The following CWC27 variants were observed in gnomAD, a reference collection of about 807,000 sequenced individuals.
CWC27 encodes the protein spliceosome-associated protein CWC27 homolog.
CWC27 carries 47 observed loss-of-function variants against 63.6 expected under a neutral mutation model. The observed-to-expected ratio is 0.74, with a 90% confidence interval of 0.58 to 0.94. CWC27 has a LOEUF of 0.94. Ranked by LOEUF, CWC27 falls within the 40% of genes least tolerant of loss-of-function variation. The pLI is 0.00. For synonymous variants in CWC27, 175 were observed against 179.8 expected, an observed-to-expected ratio of 0.97 and a Z score of 0.22; for missense variants, 495 against 554.3, an observed-to-expected ratio of 0.89 and a Z score of 1.07.
rs373054518 is a variant in CWC27 at position 64,971,694 on chromosome 5, A to G, written c.1043-9A>G. On this transcript the variant is annotated splice_polypyrimidine_tract_variant and intron_variant, in intron 11 of 13. Transcript: ENST00000381070. ...CTGCTTATTCTAAAAATATTCTACT[A>G]TTCTTTAGAGGAAGAAGCCCCTCCA... 5.8e-5 allele frequency: 92 copies of G among 1,574,706 alleles called. No individual in the cohort carries two copies. In the African/African-American group the frequency reaches 1.2e-3, roughly 21 times the overall value.
chr5:64,844,828 C>G, intron 10 of CWC27: 1 of 448,858 alleles, frequency 2.2e-6, no homozygotes, highest in South Asian at 1.6e-5. Flanking sequence ...CTCAACTCTG[C>G]CACAAAGCAA....
At chr5:64,839,320 G>A (rs1745742832) in intron 10 of CWC27, among the ~76,000 whole-genome samples, 1 of 152,182 alleles carries the variant, frequency 6.6e-6, no homozygotes, top group Non-Finnish European at 1.5e-5. Context: ...GAATGAAGAA[G>A]ATGAGAGTTT....
chr5:64,921,772 T>C (rs1748003261), intron 11 of CWC27, among the ~76,000 whole-genome samples: 1 of 152,180 alleles, frequency 6.6e-6, no homozygotes, highest in Middle Eastern at 3.2e-3. Flanking sequence ...CATGCCTAAG[T>C]GTGTTTTTGT....
intron 11 of CWC27, among the ~76,000 whole-genome samples, chr5:64,891,938 G>A (rs1747249455): frequency 6.6e-6 from 1 of 152,090 alleles, no homozygotes; most frequent in Non-Finnish European, 1.5e-5. Context: ...GGAATTACAG[G>A]CACGCACCGC....
In CWC27 at chr5:64,977,200, T is replaced by C; in HGVS notation, c.1218T>C (p.Asn406=). Residue 406 remains asparagine, a synonymous_variant, in exon 13 of 14, where the codon AAT becomes AAC. Coordinates refer to ENST00000381070, the MANE Select transcript of CWC27 (RefSeq NM_005869.4). ...AAGCAATTGCTGAAACGCCTGAAAA[T>C]GACATTCCTGAAACAGAAGTAGAAG... The part of the protein sequence containing the change: ...LTQAIAETPE[N]DIPETEVEDD... 1.9e-6 allele frequency: 3 copies of C among 1,612,164 alleles called. No individual in the cohort carries two copies. Among genetic ancestry groups the C allele is most frequent in the East Asian group, 2.2e-5 (1 of 44,786 alleles).
chr5:64,929,988 C>CA (rs1470315698), intron 11 of CWC27, among the ~76,000 whole-genome samples: 3 of 145,394 alleles, frequency 2.1e-5, no homozygotes, highest in African/African-American at 4.9e-5. Flanking sequence ...ACAGCCTAAA[C>CA]AAACTGTGAT....
rs191437060 is a variant in CWC27, at chr5:64,774,061, A to G, written c.43-630A>G. ...TATAATGTCACAATTTAATGGGTTC[A>G]TTATTCTTTAATTTCTTAATTTGCT... is the stretch of plus-strand genomic sequence containing the variant. On this transcript the variant is annotated intron_variant, in intron 1 of 13. Transcript: ENST00000381070. Among the ~76,000 whole-genome samples the G allele has an allele frequency of 7.2e-5, 11 of 152,308 alleles. No homozygotes were observed. The East Asian group carries it at 1.7e-3, about 24-fold the overall frequency.
chr5:64,822,593 A>T (rs559800275), intron 10 of CWC27, among the ~76,000 whole-genome samples: 1 of 152,312 alleles, frequency 6.6e-6, no homozygotes, highest in African/African-American at 2.4e-5. Flanking sequence ...TATAGTTGGA[A>T]ATAAAGCTGG....
intron 11 of CWC27, among the ~76,000 whole-genome samples, chr5:64,957,969 C>T (rs1190789863): frequency 6.6e-6 from 1 of 152,044 alleles, no homozygotes; most frequent in Admixed American, 6.6e-5. Flanking sequence ...AAATTATATG[C>T]TGTCATGACT....
At chr5:64,835,132 A>G (rs1236917002) in intron 10 of CWC27, among the ~76,000 whole-genome samples, 1 of 151,834 alleles carries the variant, frequency 6.6e-6, no homozygotes, top group African/African-American at 2.4e-5. Context: ...GTGAATAAAA[A>G]GCTATCATTT....
intron 10 of CWC27, among the ~76,000 whole-genome samples, chr5:64,833,174 C>T (rs536117361): frequency 1.3e-5 from 2 of 151,764 alleles, no homozygotes; most frequent in Non-Finnish European, 3.0e-5. Flanking sequence ...CATACCCCCC[C>T]ACACAGATTT....
At chr5:64,817,614 C>G (rs1440875146) in intron 10 of CWC27, among the ~76,000 whole-genome samples, 1 of 152,068 alleles carries the variant, frequency 6.6e-6, no homozygotes, top group Non-Finnish European at 1.5e-5. Context: ...TGTCTTATAA[C>G]AGCAGACACA....
At chr5:64,934,606 G>A (rs1748306614) in intron 11 of CWC27, among the ~76,000 whole-genome samples, 1 of 152,164 alleles carries the variant, frequency 6.6e-6, no homozygotes, top group Admixed American at 6.5e-5. Context: ...ATAATCTGTT[G>A]GGTATATACC....
intron 10 of CWC27, among the ~76,000 whole-genome samples, chr5:64,877,773 G>T (rs1746827599): frequency 1.3e-5 from 2 of 151,934 alleles, no homozygotes. Context: ...CTTATTAGGT[G>T]GTTAGCAGGT....
intron 11 of CWC27, among the ~76,000 whole-genome samples, chr5:64,955,018 T>C (rs567304108): frequency 1.2e-3 from 190 of 152,202 alleles, no homozygotes; most frequent in African/African-American, 4.5e-3. Flanking sequence ...TATTGGTACT[T>C]TGGAAATAGG....
At chr5:64,844,675 C>T (rs1387977233) in intron 10 of CWC27, among the ~76,000 whole-genome samples, 4 of 152,222 alleles carry the variant, frequency 2.6e-5, no homozygotes, top group African/African-American at 9.6e-5. Context: ...TCTAGACTGA[C>T]TTGACATGGG....
intron 10 of CWC27, among the ~76,000 whole-genome samples, chr5:64,880,028 G>A (rs913600104): frequency 6.6e-6 from 1 of 151,976 alleles, no homozygotes; most frequent in African/African-American, 2.4e-5. Flanking sequence ...CTGCTTGGAT[G>A]CGTCTTCATT....
chr5:64,877,132 A>G, intron 10 of CWC27, among the ~76,000 whole-genome samples: 1 of 152,082 alleles, frequency 6.6e-6, no homozygotes, highest in Non-Finnish European at 1.5e-5. Flanking sequence ...TTGCAGCACT[A>G]TTCACAATAG....
intron 10 of CWC27, chr5:64,807,838 C>T (rs759093559): frequency 1.3e-6 from 2 of 1,526,770 alleles, no homozygotes; most frequent in South Asian, 2.4e-5. Flanking sequence ...ATTTCTTTCT[C>T]TTCCCCGCTT....
Sources: gnomAD v4.1 joint callset for allele counts (sites outside exome capture counted in the v4.1 genomes callset) on GRCh38, gnomAD v4.1.1 for gene constraint, MANE v1.5 for transcripts, NCBI Gene and HGNC (gene_info 2026-07-23, HGNC 2026-07-21) for gene names.